BRIP1: variants seen among roughly 807,000 people sequenced by gnomAD.
The protein encoded by BRIP1 is Fanconi anemia group J protein.
BRIP1 carries 88 observed loss-of-function variants against 119.7 expected under a neutral mutation model. That is an observed-to-expected ratio of 0.74 (90% CI 0.62 to 0.88). BRIP1 has a LOEUF of 0.88. Among genes scored for constraint, BRIP1 ranks in the 40% least tolerant of loss-of-function variants. BRIP1 has a pLI of 0.00. For synonymous variants in BRIP1, 443 were observed against 496.5 expected, an observed-to-expected ratio of 0.89 and a Z score of 1.43; for missense variants, 1,259 against 1,455.4, an observed-to-expected ratio of 0.87 and a Z score of 2.20.
At chr17:61,741,104 A>G (rs1005102750) in intron 16 of BRIP1, among the ~76,000 whole-genome samples, 2 of 152,200 alleles carry the variant, frequency 1.3e-5, no homozygotes, top group African/African-American at 4.8e-5. Flanking sequence ...TGTCATTTCA[A>G]CAATGTTCAC....
rs575507723 is a variant in BRIP1 at position 61,823,859 on chromosome 17, G to A, written c.628-15102C>T. Among the ~76,000 whole-genome samples, 9 of 151,024 alleles carry A rather than the reference G, an allele frequency of 6.0e-5. No homozygotes were observed. The highest frequency in any genetic ancestry group is 5.9e-4 in the East Asian group (3 of 5,112). ...ATTTTTTTTTTTGAGACGGAGTTTC[G>A]CAGTTGTTGCCCAAAGTGATCTCAG... On this transcript the variant is annotated intron_variant, in intron 6 of 19. Coordinates refer to ENST00000259008, the MANE Select transcript of BRIP1 (RefSeq NM_032043.3). This position sits in a 1 kb window ranked among gnomAD's most constrained non-coding sequence, Gnocchi z 4.8.
In BRIP1 at chr17:61,754,243, T is replaced by C. The variant is rs926086280; in HGVS notation, c.2098-9652A>G. Among the ~76,000 whole-genome samples, 1 of 152,168 alleles carries C rather than the reference T, an allele frequency of 6.6e-6. No homozygotes were observed. Among genetic ancestry groups the C allele is most frequent in the African/African-American group, 2.4e-5 (1 of 41,432 alleles). ...AGCTATTTCTTTGGCCGTATCTCCT[T>C]CAATTCCCCATACTTCAGTCCTACT... On this transcript the variant is annotated intron_variant, in intron 14 of 19. Transcript: ENST00000259008. This position sits in a 1 kb window ranked among gnomAD's most constrained non-coding sequence, Gnocchi z 4.1.
At position 61,691,542 on chromosome 17, in the gene BRIP1, G is replaced by A. The variant is rs886409086; in HGVS notation, c.2575+1888C>T. Among the ~76,000 whole-genome samples the A allele has an allele frequency of 2.0e-5, 3 of 152,038 alleles. No individual in the cohort carries two copies. Among genetic ancestry groups the A allele is most frequent in the Non-Finnish European group, 2.9e-5 (2 of 68,008 alleles). On this transcript the variant is annotated intron_variant, in intron 18 of 19. Transcript: ENST00000259008. This position sits in a 1 kb window ranked among gnomAD's most constrained non-coding sequence, Gnocchi z 5.0. The stretch of plus-strand genomic sequence containing the variant: ...GCGGTCTTGGCTCACTGCAACCTCC[G>A]CCTCCCAGGTTCAAGCCATTCTCCT...
At chr17:61,784,196 T>A (rs571168651) in intron 11 of BRIP1, 74 bp downstream of exon 11, 3 of 1,312,962 alleles carry the variant, frequency 2.3e-6, no homozygotes, top group African/African-American at 2.9e-5. Flanking sequence ...AAAATAGGTA[T>A]GTATTAAACA....
In BRIP1 at chr17:61,767,280, T is replaced by C. The variant is rs1443241160; in HGVS notation, c.2097+9121A>G. Among the ~76,000 whole-genome samples, 1 of 152,096 alleles carries C rather than the reference T, an allele frequency of 6.6e-6. No homozygotes were observed. The highest frequency in any genetic ancestry group is 1.9e-4 in the East Asian group (1 of 5,168). The stretch of plus-strand genomic sequence containing the variant: ...TGTATGGTTTGAAAAACTTTAGACA[T>C]ATATTTTTCTTTTTTAGAGATAGGG... On this transcript the variant is annotated intron_variant, in intron 14 of 19. Coordinates refer to ENST00000259008, the MANE Select transcript of BRIP1 (RefSeq NM_032043.3). The surrounding 1 kb of genome is among the most constrained non-coding windows in gnomAD (Gnocchi z 5.7).
chr17:61,714,197 A>G (rs2061822979), intron 17 of BRIP1, among the ~76,000 whole-genome samples: 1 of 152,154 alleles, frequency 6.6e-6, no homozygotes, highest in Non-Finnish European at 1.5e-5. Flanking sequence ...TGAAAAAATA[A>G]AAATAAATAA....
rs1197969527 is a variant in BRIP1, at chr17:61,735,752, G to T, written c.2379+7261C>A. 6.6e-6 allele frequency among the ~76,000 whole-genome samples: 1 copy of T among 152,016 alleles called. No individual in the cohort carries two copies. The highest frequency in any genetic ancestry group is 1.5e-5 in the Non-Finnish European group (1 of 67,994). The stretch of plus-strand genomic sequence containing the variant: ...AGAGGCCAAGGCTGCAGTGACCCAT[G>T]ACCGCACCACTGCACTCTAGCCTGG... On this transcript the variant is annotated intron_variant, in intron 16 of 19. Transcript: ENST00000259008. The surrounding 1 kb of genome is among the most constrained non-coding windows in gnomAD (Gnocchi z 4.4).
chr17:61,765,545 C>T (rs1392531598), intron 14 of BRIP1, among the ~76,000 whole-genome samples: 1 of 139,214 alleles, frequency 7.2e-6, no homozygotes, highest in Non-Finnish European at 1.5e-5. Context: ...AAGCAATTCT[C>T]CTGCCTCAGC....
chr17:61,712,186 A>G (rs914149465), intron 17 of BRIP1, among the ~76,000 whole-genome samples: 4 of 152,048 alleles, frequency 2.6e-5, no homozygotes, highest in African/African-American at 9.7e-5. Flanking sequence ...AAATATGTCA[A>G]CTGATCATGT....
rs2077184989 is a variant in BRIP1, at chr17:61,755,245, C to A, written c.2098-10654G>T. On this transcript the variant is annotated intron_variant, in intron 14 of 19. Coordinates refer to ENST00000259008, the MANE Select transcript of BRIP1 (RefSeq NM_032043.3). The surrounding 1 kb of genome is among the most constrained non-coding windows in gnomAD (Gnocchi z 4.5). Reference sequence around the variant, plus strand: ...GGAGGGGTAAAACATAACTGTAAAACCAGATGCCCAAGTCCTTAATAAAAG... The same window carrying A: ...GGAGGGGTAAAACATAACTGTAAAAACAGATGCCCAAGTCCTTAATAAAAG... Among the ~76,000 whole-genome samples, 1 of 152,000 alleles carries A rather than the reference C, an allele frequency of 6.6e-6. No homozygotes were observed. The highest frequency in any genetic ancestry group is 1.5e-5 in the Non-Finnish European group (1 of 67,970).
rs1373305348 is a variant in BRIP1, at chr17:61,686,295, CAT to C, written c.2576-132_2576-131del. 19 of 863,832 alleles carry C rather than the reference CAT, an allele frequency of 2.2e-5. No individual in the cohort carries two copies. The highest frequency in any genetic ancestry group is 1.0e-4 in the African/African-American group (6 of 59,078). The allele number at this position is 863,832 out of a possible 1,614,324, so 53.5% of individuals were successfully genotyped here. On this transcript the variant is annotated intron_variant, in intron 18 of 19. Transcript: ENST00000259008. This position sits in a 1 kb window ranked among gnomAD's most constrained non-coding sequence, Gnocchi z 5.4. ...ATTTTGAATATACAGAATGGTTCTC[CAT>C]ATGTTTTTTCTGCAATTCAGCAATT...
In BRIP1 at chr17:61,748,191, T is replaced by G. The variant is rs537206228; in HGVS notation, c.2098-3600A>C. Among the ~76,000 whole-genome samples the G allele has an allele frequency of 2.3e-4, 35 of 152,262 alleles. No individual in the cohort carries two copies. In the Middle Eastern group the frequency reaches 0.01, roughly 44 times the overall value. ...GATCAGCAGCAGCATTATATTCTCA[T>G]AGGGGTACAAACACTATTGTGAACT... On this transcript the variant is annotated intron_variant, in intron 14 of 19. Transcript: ENST00000259008. This position sits in a 1 kb window ranked among gnomAD's most constrained non-coding sequence, Gnocchi z 4.7.
chr17:61,685,170 C>T (rs564229690), intron 19 of BRIP1: 1 of 152,406 alleles, frequency 6.6e-6, no homozygotes, highest in African/African-American at 2.4e-5. Context: ...CACACAAATA[C>T]TCAACTCTGC....
At chr17:61,859,238 T>C (rs1052604020) in intron 3 of BRIP1, among the ~76,000 whole-genome samples, 3 of 151,210 alleles carry the variant, frequency 2.0e-5, no homozygotes, top group Admixed American at 1.3e-4. Context: ...TTAAAGGATT[T>C]CCCCCCCCAA....
chr17:61,809,213 T>TA lies in BRIP1; in HGVS notation c.628-457dup, dbSNP rs928849127. On this transcript the variant is annotated intron_variant, in intron 6 of 19. Coordinates refer to ENST00000259008, the MANE Select transcript of BRIP1 (RefSeq NM_032043.3). This position sits in a 1 kb window ranked among gnomAD's most constrained non-coding sequence, Gnocchi z 5.2. ...CCAATGCTTTTGAAGCACTTTTAAATATAGTTTACAAAAGAATAGAATTAT... is the reference window on the plus strand; with the variant it reads ...CCAATGCTTTTGAAGCACTTTTAAATAATAGTTTACAAAAGAATAGAATTAT... 2.6e-5 allele frequency among the ~76,000 whole-genome samples: 4 copies of TA among 152,172 alleles called. No homozygotes were observed. Among genetic ancestry groups the TA allele is most frequent in the Non-Finnish European group, 5.9e-5 (4 of 68,022 alleles).
Position 61,783,919 on chromosome 17 carries a change from AT to A in BRIP1, c.1628+350del, listed in dbSNP as rs1297201311. 1.7e-4 allele frequency: 32 copies of A among 182,864 alleles called. No individual in the cohort carries two copies. The East Asian group carries it at 4.3e-3, about 25-fold the overall frequency. The allele number at this position is 182,864 out of a possible 1,614,324, so 11.3% of individuals were successfully genotyped here. A position where few individuals can be genotyped will look rare whatever the true frequency, so the allele number is the denominator to read the frequency against. On this transcript the variant is annotated intron_variant, in intron 11 of 19. Coordinates refer to ENST00000259008, the MANE Select transcript of BRIP1 (RefSeq NM_032043.3). ...GTGAGATCTCATCTCTACAAAAAAA[AT>A]AAAAATTAAAAAATTAGCTGGGTGT...
intron 11 of BRIP1, among the ~76,000 whole-genome samples, chr17:61,782,259 G>A (rs1386061970): frequency 2.6e-5 from 4 of 151,398 alleles, no homozygotes; most frequent in Admixed American, 6.6e-5. Flanking sequence ...AGTGGCGGGC[G>A]CCTGTAGTCC....
Position 61,767,498 on chromosome 17 carries a change from C to T in BRIP1, c.2097+8903G>A, listed in dbSNP as rs1461202160. Among the ~76,000 whole-genome samples, 2 of 152,104 alleles carry T rather than the reference C, an allele frequency of 1.3e-5. No homozygotes were observed. The highest frequency in any genetic ancestry group is 2.9e-5 in the Non-Finnish European group (2 of 68,016). On this transcript the variant is annotated intron_variant, in intron 14 of 19. Coordinates refer to ENST00000259008, the MANE Select transcript of BRIP1 (RefSeq NM_032043.3). This position sits in a 1 kb window ranked among gnomAD's most constrained non-coding sequence, Gnocchi z 5.7. ...CTATGTTACCCAGGCTGGTCTTGAA[C>T]ATCTGGCCTCAAGTGATCCTCCTAT...
In BRIP1 at chr17:61,743,068, T is replaced by G; in HGVS notation, c.2324A>C (p.Asn775Thr). 6.2e-7 allele frequency: 1 copy of G among 1,613,930 alleles called. No homozygotes were observed. The highest frequency in any genetic ancestry group is 8.5e-7 in the Non-Finnish European group (1 of 1,179,856). Reference protein sequence around the residue: ...VSEGLDFSDDNARAVITIGIP... With the variant: ...VSEGLDFSDDTARAVITIGIP... ...TCCTATTGTTATGACAGCACGGGCA[T>G]TGTCATCTGAGAAATCCAGACCCTC... The change falls in exon 16 of 20, where the codon AAT (asparagine) becomes ACT (threonine). Residue 775 changes from asparagine to threonine, a missense_variant. Physicochemically the swap from Asn to Thr is moderately conservative, Grantham distance 65. Transcript: ENST00000259008. This position sits in a 1 kb window ranked among gnomAD's most constrained non-coding sequence, Gnocchi z 4.3.
Sources: allele counts gnomAD v4.1 joint callset (sites outside exome capture counted in the v4.1 genomes callset), GRCh38; gene constraint gnomAD v4.1.1; non-coding constraint Gnocchi (gnomAD v3.1); transcripts MANE v1.5; gene names NCBI Gene and HGNC (gene_info 2026-07-23, HGNC 2026-07-21).